The following LDLRAP1 variants were observed in gnomAD, a reference collection of about 807,000 sequenced individuals.
LDLRAP1 encodes low density lipoprotein receptor adaptor protein 1.
Under a neutral mutation model 37.8 loss-of-function variants are expected in LDLRAP1, and 30 were observed. The observed-to-expected ratio is 0.79, with a 90% CI of 0.59 to 1.08. The LOEUF is 1.08. Among genes scored for constraint, LDLRAP1 ranks in the 50% least tolerant of loss-of-function variants. LDLRAP1 has a pLI of 0.00. For synonymous variants in LDLRAP1, 156 were observed against 169.8 expected, an observed-to-expected ratio of 0.92 and a Z score of 0.63; for missense variants, 375 against 401.6, an observed-to-expected ratio of 0.93 and a Z score of 0.57.
chr1:25,566,220 C>G (rs1018874673), intron 8 of LDLRAP1, among the ~76,000 whole-genome samples: 2 of 152,176 alleles, frequency 1.3e-5, no homozygotes, highest in Non-Finnish European at 2.9e-5. Context: ...TTAATTCATG[C>G]TAATCCTATA....
the LDLRAP1 span, among the ~76,000 whole-genome samples, chr1:25,588,690 A>C: frequency 6.6e-6 from 1 of 152,152 alleles, no homozygotes; most frequent in Non-Finnish European, 1.5e-5. Context: ...CCATATGCTG[A>C]ACGCCGGTCC....
At chr1:25,582,811 T>TGC in the LDLRAP1 span, among the ~76,000 whole-genome samples, 1 of 151,210 alleles carries the variant, frequency 6.6e-6, no homozygotes, top group Non-Finnish European at 1.5e-5. Flanking sequence ...GTGGCTCACA[T>TGC]CTGTAATCCC....
chr1:25,554,976 C>T lies in LDLRAP1; in HGVS notation c.344+4C>T, dbSNP rs371561646. Reference sequence around the variant, plus strand: ...TTGAGAACGTGTCCATATACAGGTACGCTCAGCATGGGGTTGGCCCATCCA... The same window carrying T: ...TTGAGAACGTGTCCATATACAGGTATGCTCAGCATGGGGTTGGCCCATCCA... On this transcript the variant is annotated splice_donor_region_variant and intron_variant, in intron 3 of 8. Coordinates refer to ENST00000374338, the MANE Select transcript of LDLRAP1 (RefSeq NM_015627.3). This position sits in a 1 kb window ranked among gnomAD's most constrained non-coding sequence, Gnocchi z 5.4. 5.0e-5 allele frequency: 80 copies of T among 1,608,248 alleles called. No individual in the cohort carries two copies. In the African/African-American group the frequency reaches 5.2e-4, roughly 10 times the overall value.
chr1:25,551,588 G>C (rs969333246), intron 1 of LDLRAP1, among the ~76,000 whole-genome samples: 1 of 152,214 alleles, frequency 6.6e-6, no homozygotes, highest in African/African-American at 2.4e-5. Context: ...CTGAACTTGA[G>C]AGCAGGGTCT....
chr1:25,582,556 G>GC, the LDLRAP1 span, among the ~76,000 whole-genome samples: 1 of 149,920 alleles, frequency 6.7e-6, no homozygotes, highest in Non-Finnish European at 1.5e-5. Context: ...CTGCACTCCA[G>GC]CCTGGCGACA....
chr1:25,573,147 G>T (rs1308975737), downstream of LDLRAP1, among the ~76,000 whole-genome samples: 1 of 152,124 alleles, frequency 6.6e-6, no homozygotes, highest in Non-Finnish European at 1.5e-5. Context: ...CAGGGGTAAG[G>T]CCCACCCAGG....
chr1:25,561,987 A>C (rs575294321), intron 4 of LDLRAP1, among the ~76,000 whole-genome samples: 2 of 152,038 alleles, frequency 1.3e-5, no homozygotes, highest in East Asian at 3.9e-4. Flanking sequence ...GGTGAGGGAG[A>C]GTTCCCCTGG....
chr1:25,585,103 G>A, the LDLRAP1 span, among the ~76,000 whole-genome samples: 7 of 152,174 alleles, frequency 4.6e-5, no homozygotes, highest in Non-Finnish European at 8.8e-5. Flanking sequence ...GAGACTGAGG[G>A]CAGAGCGGTA....
the LDLRAP1 span, among the ~76,000 whole-genome samples, chr1:25,585,406 A>G: frequency 6.6e-6 from 1 of 151,878 alleles, no homozygotes; most frequent in African/African-American, 2.4e-5. Flanking sequence ...GCTCACTGCA[A>G]GCTCCACCTC....
rs1168802190 is a variant in LDLRAP1, at chr1:25,554,470, T to G, written c.232-390T>G. Among the ~76,000 whole-genome samples the G allele has an allele frequency of 1.3e-5, 2 of 152,192 alleles. No homozygotes were observed. The highest frequency in any genetic ancestry group is 2.9e-5 in the Non-Finnish European group (2 of 68,016). ...GGTGGGCCTTTTAAATCCACTTCCCTTGGTGGCCTCAGACCCCTCAGCTCA... is the reference window on the plus strand; with the variant it reads ...GGTGGGCCTTTTAAATCCACTTCCCGTGGTGGCCTCAGACCCCTCAGCTCA... On this transcript the variant is annotated intron_variant, in intron 2 of 8. Transcript: ENST00000374338. This position sits in a 1 kb window ranked among gnomAD's most constrained non-coding sequence, Gnocchi z 5.4.
intron 1 of LDLRAP1, among the ~76,000 whole-genome samples, chr1:25,551,020 G>A (rs1361384396): frequency 6.6e-6 from 1 of 152,204 alleles, no homozygotes; most frequent in East Asian, 1.9e-4. Flanking sequence ...GGGGGCTGGA[G>A]AGGGAGAGTG....
intron 4 of LDLRAP1, among the ~76,000 whole-genome samples, chr1:25,559,732 C>T (rs761155920): frequency 3.3e-5 from 5 of 152,148 alleles, no homozygotes; most frequent in Non-Finnish European, 7.3e-5. Context: ...GTGTTGGTGG[C>T]CTAGACATGT....
the LDLRAP1 span, among the ~76,000 whole-genome samples, chr1:25,576,581 C>T: frequency 2.0e-5 from 3 of 152,162 alleles, no homozygotes; most frequent in African/African-American, 2.4e-5. Context: ...CAGTATGAGA[C>T]GGTGAAAGGA....
chr1:25,582,691 T>G, the LDLRAP1 span, among the ~76,000 whole-genome samples: 2 of 152,172 alleles, frequency 1.3e-5, no homozygotes, highest in African/African-American at 4.8e-5. Flanking sequence ...TCTCCAGAAC[T>G]TTTTCATCAC....
intron 4 of LDLRAP1, among the ~76,000 whole-genome samples, chr1:25,560,467 C>A (rs1163214259): frequency 6.6e-6 from 1 of 152,152 alleles, no homozygotes; most frequent in African/African-American, 2.4e-5. Flanking sequence ...TCCAGGGAAT[C>A]CCTTCCATCT....
Position 25,566,919 on chromosome 1 carries a change from A to C in LDLRAP1, c.854A>C (p.Gln285Pro). ...ACAGCCCAGGACATGCATTACGCCC[A>C]GTGCCTCTCGCCTGTCGACTGGGAC... is the stretch of plus-strand genomic sequence containing the variant. ...GLTAQDMHYAQCLSPVDWDKP... is the reference protein window; with the variant it reads ...GLTAQDMHYAPCLSPVDWDKP... The change falls in exon 9 of 9, where the codon CAG becomes CCG. Residue 285 changes from glutamine to proline, a missense_variant. Physicochemically the swap from Gln to Pro is moderately conservative, Grantham distance 76. Transcript: ENST00000374338. The C allele has an allele frequency of 6.2e-7, 1 of 1,613,538 alleles. No homozygotes were observed. Among genetic ancestry groups the C allele is most frequent in the South Asian group, 1.1e-5 (1 of 91,040 alleles).
rs572137060 is a variant in LDLRAP1 at position 25,563,344 on chromosome 1, A to G, written c.616+191A>G. Among the ~76,000 whole-genome samples the G allele has an allele frequency of 5.9e-5, 9 of 152,370 alleles. No homozygotes were observed. In the South Asian group the frequency reaches 1.9e-3, roughly 32 times the overall value. On this transcript the variant is annotated intron_variant, in intron 6 of 8. Coordinates refer to ENST00000374338, the MANE Select transcript of LDLRAP1 (RefSeq NM_015627.3). Reference sequence around the variant, plus strand: ...AGGGGAAGAAATAACTCATTTTAGTACATTTTCTTCTAGATATGTCCCTAT... The same window carrying G: ...AGGGGAAGAAATAACTCATTTTAGTGCATTTTCTTCTAGATATGTCCCTAT...
chr1:25,553,826 T>A, intron 1 of LDLRAP1, 96 bp from the exon 2 acceptor site: 1 of 1,447,668 alleles, frequency 6.9e-7, no homozygotes, highest in Non-Finnish European at 9.4e-7. Flanking sequence ...CCCATCCCCC[T>A]TGCTGGGGTT....
intron 1 of LDLRAP1, among the ~76,000 whole-genome samples, chr1:25,551,701 G>T (rs1481969275): frequency 1.3e-5 from 2 of 152,144 alleles, no homozygotes; most frequent in African/African-American, 2.4e-5. Context: ...GCTTGTGGTT[G>T]ATGGGACAGA....
Sources: allele counts gnomAD v4.1 joint callset (sites outside exome capture counted in the v4.1 genomes callset), GRCh38; gene constraint gnomAD v4.1.1; non-coding constraint Gnocchi (gnomAD v3.1); transcripts MANE v1.5; gene names NCBI Gene and HGNC (gene_info 2026-07-23, HGNC 2026-07-21).